The following KCNG3 variants were observed in gnomAD, a reference collection of about 807,000 sequenced individuals.
The protein encoded by KCNG3 is voltage-gated potassium channel regulatory subunit KCNG3.
In KCNG3, 15 loss-of-function variants were observed where a neutral mutation model predicts 29.0. The observed-to-expected ratio is 0.52, with a 90% CI of 0.35 to 0.80. The LOEUF (loss-of-function observed/expected upper bound fraction) is 0.80. KCNG3 is among the 30% of genes least tolerant of loss of function. KCNG3 has a pLI of 0.01. For missense variants in KCNG3, 512 were observed against 605.7 expected (o/e 0.85, Z 1.62); for synonymous variants, 322 against 248.9 (o/e 1.29, Z -2.76).
chr2:42,425,916 CT>C, the KCNG3 span, among the ~76,000 whole-genome samples: 5 of 152,192 alleles, frequency 3.3e-5, no homozygotes, highest in African/African-American at 1.2e-4. Context: ...GAATGAACTA[CT>C]GTACACAAAT....
In KCNG3 at chr2:42,442,779, C is replaced by T. The variant is rs1377065710; in HGVS notation, c.*1155G>A. ...CATTATCTAGTCCTAATAATCTAGC[C>T]AGATTAACATGGCATATTAGTCAGT... On this transcript the variant is annotated 3_prime_UTR_variant, in exon 2 of 2. Coordinates refer to ENST00000306078, the MANE Select transcript of KCNG3 (RefSeq NM_133329.6). The T allele has an allele frequency of 6.6e-6, 1 of 152,228 alleles. No homozygotes were observed. Among genetic ancestry groups the T allele is most frequent in the East Asian group, 1.9e-4 (1 of 5,190 alleles). 9.4% of individuals were successfully genotyped at this position (152,228 alleles called of 1,614,324 possible).
intron 1 of KCNG3, among the ~76,000 whole-genome samples, chr2:42,491,851 A>T (rs1673885810): frequency 6.6e-6 from 1 of 152,210 alleles, no homozygotes; most frequent in Admixed American, 6.5e-5. Flanking sequence ...CACAACCTTA[A>T]ATTTAAAAAA....
the KCNG3 span, among the ~76,000 whole-genome samples, chr2:42,422,380 C>A: frequency 6.6e-6 from 1 of 152,068 alleles, no homozygotes; most frequent in Admixed American, 6.6e-5. Flanking sequence ...AAGGCCCTCA[C>A]CAGAGGGCCT....
At chr2:42,398,224 AAAATAAATAAATAAATAAATAAAT>A in the KCNG3 span, among the ~76,000 whole-genome samples, 5 of 141,370 alleles carry the variant, frequency 3.5e-5, no homozygotes, top group African/African-American at 5.2e-5. Flanking sequence ...CTCTGTCTCA[AAAATAAATAAATAAATAAATAAAT>A]AAATAAATAA....
chr2:42,491,949 T>C (rs956079361), intron 1 of KCNG3, among the ~76,000 whole-genome samples: 9 of 152,208 alleles, frequency 5.9e-5, no homozygotes, highest in Non-Finnish European at 1.2e-4. Context: ...CTGTCTTCTT[T>C]GAAAGTCCAT....
At chr2:42,464,140 G>A (rs1186990726) in intron 1 of KCNG3, 1 of 201,268 alleles carries the variant, frequency 5.0e-6, no homozygotes, top group Non-Finnish European at 1.0e-5. Flanking sequence ...CCTAACAACA[G>A]GTAACTAATG....
At chr2:42,462,395 G>T (rs1673041329) in intron 1 of KCNG3, among the ~76,000 whole-genome samples, 1 of 152,208 alleles carries the variant, frequency 6.6e-6, no homozygotes, top group African/African-American at 2.4e-5. Flanking sequence ...AGGTCATGAA[G>T]ATCTGTCTAA....
At chr2:42,403,295 C>T in the KCNG3 span, among the ~76,000 whole-genome samples, 5 of 151,920 alleles carry the variant, frequency 3.3e-5, no homozygotes, top group African/African-American at 4.8e-5. Flanking sequence ...GCACACATCA[C>T]TACACCTGGC....
intron 1 of KCNG3, among the ~76,000 whole-genome samples, chr2:42,461,361 C>T (rs993600594): frequency 3.9e-5 from 6 of 151,930 alleles, no homozygotes; most frequent in East Asian, 1.9e-4. Flanking sequence ...TTTCTGTGTG[C>T]GCCTTGCCTG....
rs112588454 is a variant in KCNG3, at chr2:42,465,221, CT to C, written c.666-20643del. ...GAGTATTTAATTTCTTTCTTTCTTT[CT>C]TTTTTTTTTTTTGAAACAGGGTTTG... On this transcript the variant is annotated intron_variant, in intron 1 of 1. Transcript: ENST00000306078. 7.0e-3 allele frequency among the ~76,000 whole-genome samples: 1,002 copies of C among 143,812 alleles called. 2 individuals are homozygous for C. The highest frequency in any genetic ancestry group is 0.01 in the Non-Finnish European group (677 of 65,390). The allele number at this position is 143,812 out of a possible 152,430, so 94.3% of individuals were successfully genotyped here.
the KCNG3 span, among the ~76,000 whole-genome samples, chr2:42,429,142 CAAACA>C: frequency 3.1e-3 from 458 of 148,264 alleles, 3 homozygotes; most frequent in Middle Eastern, 0.015. Context: ...CAAAAACAAA[CAAACA>C]AAAAAAAAAC....
At chr2:42,462,811 TCATTC>T (rs1673050358) in intron 1 of KCNG3, among the ~76,000 whole-genome samples, 1 of 152,234 alleles carries the variant, frequency 6.6e-6, no homozygotes, top group East Asian at 1.9e-4. Context: ...AGTCACAGTT[TCATTC>T]ATTTATTCAA....
At chr2:42,413,611 A>C in the KCNG3 span, 1 of 152,234 alleles carries the variant, frequency 6.6e-6, no homozygotes, top group African/African-American at 2.4e-5. Context: ...ACACTGCTAT[A>C]AAGAACTACC....
rs184646060 is a variant in KCNG3 at position 42,472,955 on chromosome 2, G to A, written c.665+19882C>T. On this transcript the variant is annotated intron_variant, in intron 1 of 1. Transcript: ENST00000306078. ...CTCGCTCTGTTGCCCAGGCTGGAGTGCAGTGGCGCAATCTCGGCTCACTGC... is the reference window on the plus strand; with the variant it reads ...CTCGCTCTGTTGCCCAGGCTGGAGTACAGTGGCGCAATCTCGGCTCACTGC... Among the ~76,000 whole-genome samples the A allele has an allele frequency of 1.1e-4, 16 of 143,886 alleles. No homozygotes were observed. In the East Asian group the frequency reaches 2.3e-3, roughly 20 times the overall value. 94.4% of individuals were successfully genotyped at this position (143,886 alleles called of 152,430 possible). A position where few individuals can be genotyped will look rare whatever the true frequency, so the allele number is the denominator to read the frequency against.
At chr2:42,412,512 C>T in the KCNG3 span, among the ~76,000 whole-genome samples, 3 of 151,982 alleles carry the variant, frequency 2.0e-5, no homozygotes, top group Non-Finnish European at 4.4e-5. Flanking sequence ...TTAAAATCTC[C>T]CATTATGATT....
intron 1 of KCNG3, among the ~76,000 whole-genome samples, chr2:42,464,294 T>G (rs976442536): frequency 6.6e-6 from 1 of 152,176 alleles, no homozygotes; most frequent in Non-Finnish European, 1.5e-5. Flanking sequence ...CTAGAACTGC[T>G]GGCCTCAAGT....
At chr2:42,432,582 G>A in the KCNG3 span, among the ~76,000 whole-genome samples, 1 of 152,174 alleles carries the variant, frequency 6.6e-6, no homozygotes, top group African/African-American at 2.4e-5. Flanking sequence ...TGAGAAGCAT[G>A]AGGTCAGGTA....
intron 1 of KCNG3, among the ~76,000 whole-genome samples, chr2:42,457,194 T>C (rs371407711): frequency 2.0e-5 from 3 of 152,056 alleles, no homozygotes; most frequent in Admixed American, 6.6e-5. Context: ...CCAAAGAGAA[T>C]TGACTAGTGG....
At chr2:42,416,510 T>C in the KCNG3 span, among the ~76,000 whole-genome samples, 3 of 152,062 alleles carry the variant, frequency 2.0e-5, no homozygotes, top group African/African-American at 7.2e-5. Context: ...TAACCAGATT[T>C]TGAATGTGCA....
Sources: allele counts gnomAD v4.1 joint callset (sites outside exome capture counted in the v4.1 genomes callset), GRCh38; gene constraint gnomAD v4.1.1; transcripts MANE v1.5; gene names NCBI Gene and HGNC (gene_info 2026-07-23, HGNC 2026-07-21).